Variants in GALNT17 observed in about 807,000 individuals in gnomAD.
The protein encoded by GALNT17 is polypeptide N-acetylgalactosaminyltransferase 17.
In GALNT17, 29 loss-of-function variants were observed where a neutral mutation model predicts 63.7. The observed-to-expected ratio is 0.46, with a 90% CI of 0.34 to 0.62. The LOEUF (loss-of-function observed/expected upper bound fraction) is 0.62. Ranked by LOEUF, GALNT17 falls within the 20% of genes least tolerant of loss-of-function variation. The pLI is 0.01. For missense variants in GALNT17, 603 were observed against 799.6 expected (o/e 0.75, Z 2.97); for synonymous variants, 305 against 318.3 (o/e 0.96, Z 0.45).
intron 6 of GALNT17, among the ~76,000 whole-genome samples, chr7:71,579,949 G>A (rs1562698880): frequency 1.3e-5 from 2 of 151,952 alleles, no homozygotes; most frequent in African/African-American, 4.8e-5. Flanking sequence ...ATGGATGGAT[G>A]GATAGATAGA....
chr7:71,431,209 C>CTTTTTTTTTT (rs1265130879), intron 5 of GALNT17, among the ~76,000 whole-genome samples: 87 of 115,100 alleles, frequency 7.6e-4, no homozygotes, highest in East Asian at 1.5e-3. Context: ...CTTTTCTTTT[C>CTTTTTTTTTT]TTTTTTTTTT....
chr7:71,309,656 A>C (rs1233643052), intron 1 of GALNT17, among the ~76,000 whole-genome samples: 2 of 152,170 alleles, frequency 1.3e-5, no homozygotes, highest in African/African-American at 2.4e-5. Context: ...TATTCCTATG[A>C]ATATAGGATA....
chr7:71,396,724 A>C (rs186680547), intron 3 of GALNT17, among the ~76,000 whole-genome samples: 1 of 152,148 alleles, frequency 6.6e-6, no homozygotes, highest in East Asian at 1.9e-4. Flanking sequence ...TCATCTTGAT[A>C]ATATTAATGC....
At chr7:71,388,139 A>T in intron 2 of GALNT17, 96 bp from the exon 3 acceptor site, 1 of 1,353,828 alleles carries the variant, frequency 7.4e-7, no homozygotes, top group Non-Finnish European at 1.0e-6. Context: ...GGACGACTGG[A>T]TGAGGATTCG....
intron 5 of GALNT17, among the ~76,000 whole-genome samples, chr7:71,473,627 T>C (rs1730803596): frequency 6.6e-6 from 1 of 152,094 alleles, no homozygotes; most frequent in Admixed American, 6.6e-5. Flanking sequence ...ATGAGGCTTG[T>C]CCATCCTTTC....
At chr7:71,373,085 A>C (rs1175283297) in intron 2 of GALNT17, among the ~76,000 whole-genome samples, 3 of 152,122 alleles carry the variant, frequency 2.0e-5, no homozygotes, top group Non-Finnish European at 4.4e-5. Flanking sequence ...TATTATAATG[A>C]GATTATATTG....
intron 5 of GALNT17, among the ~76,000 whole-genome samples, chr7:71,547,403 C>T (rs1034248960): frequency 3.3e-5 from 5 of 152,096 alleles, no homozygotes; most frequent in African/African-American, 1.2e-4. Context: ...ATCTGCCTGC[C>T]TTGGCCTCCC....
intron 3 of GALNT17, among the ~76,000 whole-genome samples, chr7:71,399,952 A>T (rs987990336): frequency 2.6e-5 from 4 of 151,832 alleles, no homozygotes; most frequent in Non-Finnish European, 4.4e-5. Flanking sequence ...TTTTTATTGG[A>T]GTATTTATCT....
chr7:71,298,193 G>A (rs767235731), intron 1 of GALNT17, among the ~76,000 whole-genome samples: 2 of 151,540 alleles, frequency 1.3e-5, no homozygotes, highest in African/African-American at 2.4e-5. Context: ...GCCAATTTTT[G>A]TATTTTTAGT....
At chr7:71,182,668 T>C (rs1440999839) in intron 1 of GALNT17, among the ~76,000 whole-genome samples, 1 of 152,134 alleles carries the variant, frequency 6.6e-6, no homozygotes, top group African/African-American at 2.4e-5. Flanking sequence ...CCACAAATTC[T>C]TCACAAGCAG....
chr7:71,590,191 A>G (rs1789778021), intron 6 of GALNT17, among the ~76,000 whole-genome samples: 2 of 152,220 alleles, frequency 1.3e-5, no homozygotes, highest in African/African-American at 4.8e-5. Flanking sequence ...TAGAACTGCA[A>G]TGTTGATATT....
rs528542743 is a variant in GALNT17 at position 71,272,914 on chromosome 7, A to G, written c.239-62636A>G. ...TTAATCATGTCTGCTTTTTCACCCT[A>G]CCGGAGAGCAAAGAAGAGCCTTGAA... On this transcript the variant is annotated intron_variant, in intron 1 of 10. Coordinates refer to ENST00000333538, the MANE Select transcript of GALNT17 (RefSeq NM_022479.3). 4.9e-4 allele frequency among the ~76,000 whole-genome samples: 74 copies of G among 150,852 alleles called. 1 individual carries two copies. The South Asian group carries it at 0.015, about 31-fold the overall frequency.
At chr7:71,585,223 G>T (rs1450000361) in intron 6 of GALNT17, among the ~76,000 whole-genome samples, 3 of 152,150 alleles carry the variant, frequency 2.0e-5, no homozygotes, top group Non-Finnish European at 4.4e-5. Context: ...CATAATGTCT[G>T]GTTATCTCAC....
chr7:71,552,010 T>TTTTATTTATTATTTA (rs772013715), intron 5 of GALNT17, among the ~76,000 whole-genome samples: 2 of 128,318 alleles, frequency 1.6e-5, no homozygotes, highest in South Asian at 4.9e-4. Flanking sequence ...AGGTTGCTCT[T>TTTTATTTATTATTTA]TTTATTTATT....
chr7:71,534,139 C>A (rs913436307), intron 5 of GALNT17, among the ~76,000 whole-genome samples: 1 of 152,134 alleles, frequency 6.6e-6, no homozygotes, highest in African/African-American at 2.4e-5. Flanking sequence ...ATACTCAAGA[C>A]TGGGTAATTT....
chr7:71,137,289 G>A (rs1275085871), intron 1 of GALNT17, among the ~76,000 whole-genome samples: 7 of 151,934 alleles, frequency 4.6e-5, no homozygotes, highest in Non-Finnish European at 8.8e-5. Context: ...ACAGGCGTCC[G>A]CCACCACGCC....
intron 7 of GALNT17, among the ~76,000 whole-genome samples, chr7:71,666,258 T>C (rs1265808948): frequency 6.6e-6 from 1 of 151,680 alleles, no homozygotes; most frequent in Non-Finnish European, 1.5e-5. Context: ...CTCAAGCCCC[T>C]GATGCAAAAT....
In GALNT17 at chr7:71,547,457, C is replaced by A. The variant is rs546967512; in HGVS notation, c.963-23828C>A. Reference sequence around the variant, plus strand: ...GTGTGAGCCACTGCGCCCGGCCCAGCTAATTTTTAGTAGAAATAGGGTTTC... The same window carrying A: ...GTGTGAGCCACTGCGCCCGGCCCAGATAATTTTTAGTAGAAATAGGGTTTC... On this transcript the variant is annotated intron_variant, in intron 5 of 10. Transcript: ENST00000333538. Among the ~76,000 whole-genome samples, 3 of 152,104 alleles carry A rather than the reference C, an allele frequency of 2.0e-5. No homozygotes were observed. The South Asian group carries it at 6.2e-4, about 32-fold the overall frequency.
intron 5 of GALNT17, among the ~76,000 whole-genome samples, chr7:71,516,326 C>T (rs765057226): frequency 3.9e-5 from 6 of 152,224 alleles, no homozygotes; most frequent in Non-Finnish European, 7.4e-5. Flanking sequence ...TTTCCTTTCC[C>T]GCTCAGAATC....
Sources: allele counts gnomAD v4.1 joint callset (sites outside exome capture counted in the v4.1 genomes callset), GRCh38; gene constraint gnomAD v4.1.1; transcripts MANE v1.5; gene names NCBI Gene and HGNC (gene_info 2026-07-23, HGNC 2026-07-21).